The following CNTNAP2 variants were observed in gnomAD, a reference collection of about 807,000 sequenced individuals.
The protein encoded by CNTNAP2 is contactin associated protein 2.
In CNTNAP2, 98 loss-of-function variants were observed where a neutral mutation model predicts 155.2. The ratio of observed to expected loss-of-function variants is 0.63; its 90% CI spans 0.54 to 0.75. The LOEUF is 0.75. Among genes scored for constraint, CNTNAP2 ranks in the 30% least tolerant of loss-of-function variants. The pLI, the probability that CNTNAP2 is intolerant of heterozygous loss-of-function variation, is 0.00. For synonymous variants in CNTNAP2, 651 were observed against 631.2 expected, an observed-to-expected ratio of 1.03 and a Z score of -0.47; for missense variants, 1,727 against 1,688.1, an observed-to-expected ratio of 1.02 and a Z score of -0.40.
chr7:146,714,635 A>G (rs544277540), intron 1 of CNTNAP2, among the ~76,000 whole-genome samples: 16 of 152,366 alleles, frequency 1.1e-4, no homozygotes, highest in African/African-American at 3.8e-4. Context: ...TCATAGGAAC[A>G]TAGAATCAGA....
At chr7:147,602,244 C>G (rs1230147561) in intron 12 of CNTNAP2, among the ~76,000 whole-genome samples, 1 of 151,820 alleles carries the variant, frequency 6.6e-6, no homozygotes, top group African/African-American at 2.4e-5. Context: ...AATTATAGGA[C>G]AAGTGTTTAT....
intron 8 of CNTNAP2, among the ~76,000 whole-genome samples, chr7:147,227,782 G>A (rs966451368): frequency 6.6e-6 from 1 of 152,148 alleles, no homozygotes; most frequent in African/African-American, 2.4e-5. Flanking sequence ...TGTGGAATAG[G>A]CACTTGAATA....
At position 147,563,149 on chromosome 7, in the gene CNTNAP2, G is replaced by C. The variant is rs1487322100; in HGVS notation, c.1897+892G>C. 2.0e-5 allele frequency among the ~76,000 whole-genome samples: 3 copies of C among 152,086 alleles called. No homozygotes were observed. The East Asian group carries it at 5.8e-4, about 29-fold the overall frequency. Reference sequence around the variant, plus strand: ...TAATATTGGGCACTTTAGTAACTTTGCTAAATTCAGTAAACCTCAGAATCT... The same window carrying C: ...TAATATTGGGCACTTTAGTAACTTTCCTAAATTCAGTAAACCTCAGAATCT... On this transcript the variant is annotated intron_variant, in intron 12 of 23. Coordinates refer to ENST00000361727, the MANE Select transcript of CNTNAP2 (RefSeq NM_014141.6).
chr7:148,249,107 A>T (rs1035551598), intron 20 of CNTNAP2, among the ~76,000 whole-genome samples: 1 of 152,154 alleles, frequency 6.6e-6, no homozygotes, highest in African/African-American at 2.4e-5. Flanking sequence ...CGTATTCTGG[A>T]TACAACTCCT....
At chr7:146,353,315 G>A (rs1037997314) in intron 1 of CNTNAP2, among the ~76,000 whole-genome samples, 4 of 151,920 alleles carry the variant, frequency 2.6e-5, no homozygotes, top group Non-Finnish European at 5.9e-5. Context: ...CTTAAAACAC[G>A]GTCTTCACTT....
At chr7:147,259,765 A>G (rs926660998) in intron 8 of CNTNAP2, among the ~76,000 whole-genome samples, 3 of 152,238 alleles carry the variant, frequency 2.0e-5, no homozygotes, top group Non-Finnish European at 4.4e-5. Context: ...GAGGTTTATG[A>G]CAAATCAATG....
At chr7:147,031,052 G>A (rs559928278) in intron 3 of CNTNAP2, among the ~76,000 whole-genome samples, 35 of 151,678 alleles carry the variant, frequency 2.3e-4, no homozygotes, top group Admixed American at 5.3e-4. Flanking sequence ...CTACATTTTC[G>A]TATCCATTTC....
intron 14 of CNTNAP2, among the ~76,000 whole-genome samples, chr7:147,969,318 T>C (rs1391650236): frequency 1.3e-5 from 2 of 152,150 alleles, no homozygotes; most frequent in Admixed American, 6.6e-5. Context: ...CCCAAAGTGC[T>C]GGGATTAAGG....
Position 146,117,910 on chromosome 7 carries a change from C to G in CNTNAP2, c.97+937C>G, listed in dbSNP as rs116513165. ...TTAGGATAATATTCATAAGCGCATACTAGTTTCTGAGAATGAGTAAGTTGA... is the reference window on the plus strand; with the variant it reads ...TTAGGATAATATTCATAAGCGCATAGTAGTTTCTGAGAATGAGTAAGTTGA... On this transcript the variant is annotated intron_variant, in intron 1 of 23. Transcript: ENST00000361727. Among the ~76,000 whole-genome samples the G allele has an allele frequency of 4.3e-3, 659 of 152,224 alleles. 3 individuals carry two copies. Among genetic ancestry groups the G allele is most frequent in the African/African-American group, 0.014 (576 of 41,522 alleles).
chr7:148,104,023 T>C (rs1804155633), intron 15 of CNTNAP2, among the ~76,000 whole-genome samples: 1 of 152,194 alleles, frequency 6.6e-6, no homozygotes, highest in South Asian at 2.1e-4. Context: ...TTGCTTTAAA[T>C]CATCACAAAC....
chr7:147,983,719 A>C (rs945615360), intron 15 of CNTNAP2, among the ~76,000 whole-genome samples: 1 of 152,358 alleles, frequency 6.6e-6, no homozygotes, highest in South Asian at 2.1e-4. Context: ...AGATTGGTTA[A>C]AAGAGTTAAG....
chr7:147,535,690 T>C (rs1395802988), intron 11 of CNTNAP2, among the ~76,000 whole-genome samples: 1 of 152,164 alleles, frequency 6.6e-6, no homozygotes, highest in Non-Finnish European at 1.5e-5. Context: ...TGTCTCTGTG[T>C]AGGACTTTCT....
intron 1 of CNTNAP2, among the ~76,000 whole-genome samples, chr7:146,618,993 C>A (rs1322411904): frequency 6.6e-6 from 1 of 151,450 alleles, no homozygotes; most frequent in African/African-American, 2.4e-5. Flanking sequence ...TCGCTTGAAC[C>A]CAGGAGGGAG....
intron 13 of CNTNAP2, among the ~76,000 whole-genome samples, chr7:147,649,759 A>G (rs1795421773): frequency 6.6e-6 from 1 of 152,058 alleles, no homozygotes; most frequent in Non-Finnish European, 1.5e-5. Flanking sequence ...CCAATTCAAA[A>G]AATTAAAAAA....
intron 4 of CNTNAP2, among the ~76,000 whole-genome samples, chr7:147,066,905 T>G (rs1277708465): frequency 6.6e-6 from 1 of 152,148 alleles, no homozygotes; most frequent in Non-Finnish European, 1.5e-5. Context: ...ATCATCGAGT[T>G]TGGGTGAAGG....
intron 21 of CNTNAP2, among the ~76,000 whole-genome samples, chr7:148,312,281 G>A (rs1028244679): frequency 1.3e-5 from 2 of 152,172 alleles, no homozygotes; most frequent in Non-Finnish European, 2.9e-5. Flanking sequence ...TTGTAGAAGG[G>A]ATTGGGGTTT....
Position 147,159,540 on chromosome 7 carries a change from TAA to T in CNTNAP2, c.1348+27033_1348+27034del, listed in dbSNP as rs753408153. On this transcript the variant is annotated intron_variant, in intron 8 of 23. Transcript: ENST00000361727. ...ACATATAACCAACTCTATTCATTTT[TAA>T]ACACAGATTAAATGCATCAGTCTTC... 2.0e-3 allele frequency among the ~76,000 whole-genome samples: 308 copies of T among 152,234 alleles called. 4 individuals are homozygous for T. Among genetic ancestry groups the T allele is most frequent in the Non-Finnish European group, 9.0e-4 (61 of 67,978 alleles).
chr7:148,046,795 C>T (rs942166361), intron 15 of CNTNAP2, among the ~76,000 whole-genome samples: 1 of 152,156 alleles, frequency 6.6e-6, no homozygotes. Context: ...GTTATATAAT[C>T]TCTATTAATG....
chr7:147,014,101 G>A (rs1169028671), intron 3 of CNTNAP2, among the ~76,000 whole-genome samples: 3 of 152,102 alleles, frequency 2.0e-5, no homozygotes, highest in Non-Finnish European at 4.4e-5. Flanking sequence ...ATGTTTTTCT[G>A]GCACTCAGCC....
Sources: gnomAD v4.1 joint callset for allele counts (sites outside exome capture counted in the v4.1 genomes callset) on GRCh38, gnomAD v4.1.1 for gene constraint, MANE v1.5 for transcripts, NCBI Gene and HGNC (gene_info 2026-07-23, HGNC 2026-07-21) for gene names.